Variants in MAF observed in about 807,000 individuals in gnomAD.
MAF encodes the protein MAF bZIP transcription factor.
A neutral mutation model predicts 22.0 loss-of-function variants in MAF; 10 were observed. The observed-to-expected ratio is 0.45, with a 90% CI of 0.28 to 0.77. The LOEUF (loss-of-function observed/expected upper bound fraction) is 0.77, where lower values mean the gene tolerates loss of function less well. MAF is among the 30% of genes least tolerant of loss of function. The pLI is 0.12. For missense variants in MAF, 544 were observed against 548.4 expected (o/e 0.99, Z 0.08); for synonymous variants, 337 against 255.8 (o/e 1.32, Z -3.03).
the MAF span, among the ~76,000 whole-genome samples, chr16:79,350,208 C>T: frequency 6.6e-6 from 1 of 152,150 alleles, no homozygotes; most frequent in Admixed American, 6.5e-5. Context: ...CTCTATGGAC[C>T]TAAACCAGCT....
At chr16:79,348,643 A>G in the MAF span, among the ~76,000 whole-genome samples, 3 of 152,196 alleles carry the variant, frequency 2.0e-5, no homozygotes, top group Non-Finnish European at 4.4e-5. Flanking sequence ...AACTCCAACG[A>G]CGGGGAAACA....
the MAF span, among the ~76,000 whole-genome samples, chr16:79,499,420 G>A: frequency 2.0e-5 from 3 of 152,324 alleles, no homozygotes; most frequent in African/African-American, 7.2e-5. Flanking sequence ...AAAAGCCCAT[G>A]GCATAGAAGC....
the MAF span, among the ~76,000 whole-genome samples, chr16:79,236,578 G>A: frequency 1.3e-5 from 2 of 152,144 alleles, no homozygotes; most frequent in East Asian, 1.9e-4. Flanking sequence ...ACTATGCACA[G>A]TATTAAGACA....
At chr16:79,508,465 G>A in the MAF span, among the ~76,000 whole-genome samples, 51 of 152,262 alleles carry the variant, frequency 3.3e-4, no homozygotes, top group African/African-American at 1.1e-3. Flanking sequence ...TGCCTAGAGT[G>A]TAGCAACTCC....
intron 1 of MAF, chr16:79,595,159 C>T: frequency 1.9e-6 from 2 of 1,037,286 alleles, no homozygotes; most frequent in South Asian, 9.2e-5. Flanking sequence ...TATCTGAAGT[C>T]AAGAACACTT....
chr16:79,293,563 A>T, the MAF span, among the ~76,000 whole-genome samples: 3 of 152,192 alleles, frequency 2.0e-5, no homozygotes, highest in Non-Finnish European at 4.4e-5. Flanking sequence ...CTAGACACCC[A>T]CATCACAGAG....
the MAF span, among the ~76,000 whole-genome samples, chr16:79,430,945 C>G: frequency 2.6e-5 from 4 of 152,164 alleles, no homozygotes; most frequent in African/African-American, 9.7e-5. Flanking sequence ...GGAATTCTTC[C>G]TGGGAACAGG....
chr16:79,559,731 G>C, the MAF span, among the ~76,000 whole-genome samples: 1 of 152,082 alleles, frequency 6.6e-6, no homozygotes, highest in Non-Finnish European at 1.5e-5. Context: ...GAAAAATGCT[G>C]ATGATGCTAT....
chr16:79,454,204 G>C, the MAF span, among the ~76,000 whole-genome samples: 1 of 152,180 alleles, frequency 6.6e-6, no homozygotes, highest in Non-Finnish European at 1.5e-5. Context: ...TGACCATGGA[G>C]AGGCTGAACT....
chr16:79,466,574 T>A, the MAF span, among the ~76,000 whole-genome samples: 1 of 152,220 alleles, frequency 6.6e-6, no homozygotes, highest in Admixed American at 6.5e-5. Flanking sequence ...GGTTGGCACC[T>A]TCAGCTGCAT....
the MAF span, among the ~76,000 whole-genome samples, chr16:79,502,674 AATAAATATAAATATAAATATAAAT>A: frequency 1.3e-5 from 1 of 75,984 alleles, no homozygotes; most frequent in African/African-American, 5.7e-5. Flanking sequence ...TCCAAAAATA[AATAAATATAAATATAAATATAAAT>A]ATAAATATAA....
At chr16:79,521,681 C>G in the MAF span, among the ~76,000 whole-genome samples, 1 of 152,164 alleles carries the variant, frequency 6.6e-6, no homozygotes, top group Admixed American at 6.5e-5. Context: ...AGTGCAAGAA[C>G]CTCCCACTTG....
At chr16:79,269,407 G>A in the MAF span, among the ~76,000 whole-genome samples, 3 of 152,158 alleles carry the variant, frequency 2.0e-5, no homozygotes, top group Non-Finnish European at 4.4e-5. Flanking sequence ...TTCTCAGTCA[G>A]GAACAAGATT....
At chr16:79,446,752 A>T in the MAF span, among the ~76,000 whole-genome samples, 23 of 152,102 alleles carry the variant, frequency 1.5e-4, no homozygotes, top group Admixed American at 2.6e-4. Context: ...ATCTCTAAAA[A>T]AAAAAAATTA....
the MAF span, among the ~76,000 whole-genome samples, chr16:79,396,329 C>T: frequency 6.6e-6 from 1 of 152,048 alleles, no homozygotes; most frequent in African/African-American, 2.4e-5. Flanking sequence ...TAACTGGATG[C>T]AATTAGAGGA....
the MAF span, among the ~76,000 whole-genome samples, chr16:79,439,049 G>C: frequency 1.3e-5 from 2 of 152,044 alleles, no homozygotes; most frequent in Non-Finnish European, 2.9e-5. Flanking sequence ...ATATTGTCGT[G>C]TCCCCTAGCT....
chr16:79,531,598 T>G, the MAF span, among the ~76,000 whole-genome samples: 3 of 152,146 alleles, frequency 2.0e-5, no homozygotes, highest in African/African-American at 7.2e-5. Context: ...CATTAGATTC[T>G]CATAAGGAGG....
At chr16:79,517,645 G>A in the MAF span, among the ~76,000 whole-genome samples, 2 of 146,684 alleles carry the variant, frequency 1.4e-5, no homozygotes, top group African/African-American at 5.1e-5. Flanking sequence ...CAGGATCTTG[G>A]CTCACTGCAA....
the MAF span, among the ~76,000 whole-genome samples, chr16:79,322,621 G>T: frequency 0.064 from 9,734 of 152,150 alleles, 946 homozygotes; most frequent in East Asian, 0.34. Context: ...CACAGACAAA[G>T]AATTCCACAA....
Sources: allele counts gnomAD v4.1 joint callset (sites outside exome capture counted in the v4.1 genomes callset), GRCh38; gene constraint gnomAD v4.1.1; transcripts MANE v1.5; gene names NCBI Gene and HGNC (gene_info 2026-07-23, HGNC 2026-07-21).